KIAA1217: variants seen among roughly 807,000 people sequenced by gnomAD.
KIAA1217 encodes the protein KIAA1217, also known as sickle tail protein homolog.
A neutral mutation model predicts 163.9 loss-of-function variants in KIAA1217; 88 were observed. The ratio of observed to expected loss-of-function variants is 0.54; its 90% CI spans 0.45 to 0.64. The LOEUF is 0.64. KIAA1217 is among the 30% of genes least tolerant of loss of function. The pLI is 0.00. For synonymous variants in KIAA1217, 903 were observed against 923.1 expected (o/e 0.98, Z 0.39); for missense variants, 2,372 against 2,475.0 (o/e 0.96, Z 0.88).
At chr10:23,758,038 G>A (rs1266870855) in intron 1 of KIAA1217, among the ~76,000 whole-genome samples, 1 of 151,946 alleles carries the variant, frequency 6.6e-6, no homozygotes, top group African/African-American at 2.4e-5. Flanking sequence ...GCCTTTTGAT[G>A]CACAAAATTT....
At chr10:24,437,906 CAAA>C (rs58645832) in intron 4 of KIAA1217, among the ~76,000 whole-genome samples, 22 of 63,690 alleles carry the variant, frequency 3.5e-4, no homozygotes, top group East Asian at 8.4e-4. Flanking sequence ...TGTTTGAAGG[CAAA>C]AAAAAAAAAA....
chr10:23,918,720 A>G (rs370541980), intron 1 of KIAA1217, among the ~76,000 whole-genome samples: 8 of 142,566 alleles, frequency 5.6e-5, no homozygotes, highest in African/African-American at 2.3e-4. Flanking sequence ...GTGATCTTTA[A>G]GAATTAAATA....
intron 3 of KIAA1217, among the ~76,000 whole-genome samples, chr10:24,416,544 A>G (rs1048730063): frequency 6.6e-6 from 1 of 152,196 alleles, no homozygotes; most frequent in African/African-American, 2.4e-5. Context: ...AAATATTTTT[A>G]AAGGTATAAA....
chr10:23,899,297 T>C (rs1350498555), intron 1 of KIAA1217, among the ~76,000 whole-genome samples: 1 of 152,126 alleles, frequency 6.6e-6, no homozygotes, highest in Non-Finnish European at 1.5e-5. Flanking sequence ...GCATGAGAGT[T>C]CTTGTTGTCT....
chr10:24,545,144 C>T (rs756262239), intron 20 of KIAA1217, 41 bp downstream of exon 20: 3 of 1,611,228 alleles, frequency 1.9e-6, no homozygotes, highest in Non-Finnish European at 2.5e-6. Flanking sequence ...GACGCTATTT[C>T]AGTTAAGCAA....
intron 1 of KIAA1217, among the ~76,000 whole-genome samples, chr10:23,920,573 C>T (rs977820916): frequency 4.6e-5 from 7 of 152,160 alleles, no homozygotes; most frequent in African/African-American, 1.7e-4. Flanking sequence ...TCTTTGAAGA[C>T]ATTAAGGCTA....
At chr10:24,238,164 ACT>A (rs1393830158) in intron 2 of KIAA1217, among the ~76,000 whole-genome samples, 1 of 152,016 alleles carries the variant, frequency 6.6e-6, no homozygotes, top group Non-Finnish European at 1.5e-5. Flanking sequence ...TGTTTCCAAA[ACT>A]CTGCAGTGTC....
At chr10:23,849,847 T>C (rs1302382252) in intron 1 of KIAA1217, among the ~76,000 whole-genome samples, 1 of 152,076 alleles carries the variant, frequency 6.6e-6, no homozygotes, top group Non-Finnish European at 1.5e-5. Context: ...AATGTGACCG[T>C]CTTTGATTGA....
chr10:23,733,429 G>A (rs369664245), intron 1 of KIAA1217, among the ~76,000 whole-genome samples: 607 of 152,248 alleles, frequency 4.0e-3, no homozygotes, highest in African/African-American at 0.013. Context: ...CCAGGGCTGT[G>A]AAGATACCAA....
chr10:24,001,097 G>A (rs1846724788), intron 1 of KIAA1217, among the ~76,000 whole-genome samples: 3 of 145,372 alleles, frequency 2.1e-5, no homozygotes, highest in Non-Finnish European at 4.5e-5. Context: ...CACACACACA[G>A]CTGCTTTAAT....
chr10:24,520,262 T>A lies in KIAA1217; in HGVS notation c.2308+9T>A. 1 of 1,613,910 alleles carries A rather than the reference T, an allele frequency of 6.2e-7. No individual in the cohort carries two copies. The highest frequency in any genetic ancestry group is 8.5e-7 in the Non-Finnish European group (1 of 1,179,884). ...TGTAGCTACCCTGAAAGGTAAACTTTCTGCTGGGTCGGGGGAGGAGTCTGA... is the reference window on the plus strand; with the variant it reads ...TGTAGCTACCCTGAAAGGTAAACTTACTGCTGGGTCGGGGGAGGAGTCTGA... On this transcript the variant is annotated intron_variant, in intron 11 of 20. Coordinates refer to ENST00000376454, the MANE Select transcript of KIAA1217 (RefSeq NM_019590.5).
At chr10:24,436,491 G>T (rs1313568141) in intron 4 of KIAA1217, among the ~76,000 whole-genome samples, 4 of 150,766 alleles carry the variant, frequency 2.7e-5, no homozygotes, top group Non-Finnish European at 5.9e-5. Context: ...GGGCGCTGTG[G>T]CTCACGCCTG....
intron 1 of KIAA1217, among the ~76,000 whole-genome samples, chr10:23,750,707 A>C (rs1009394340): frequency 6.6e-6 from 1 of 152,026 alleles, no homozygotes; most frequent in Non-Finnish European, 1.5e-5. Context: ...TCAATTAATG[A>C]ATGACTAATT....
At position 24,052,076 on chromosome 10, in the gene KIAA1217, G is replaced by A. The variant is rs188912576; in HGVS notation, c.-171+44702G>A. Among the ~76,000 whole-genome samples, 53 of 152,086 alleles carry A rather than the reference G, an allele frequency of 3.5e-4. 1 individual carries two copies. Among genetic ancestry groups the A allele is most frequent in the East Asian group, 3.9e-4 (2 of 5,182 alleles). ...TAACCTCTGATATATTGTGTCTCTC[G>A]TGCTCTGCTACCTGCACTCCTATTT... On this transcript the variant is annotated intron_variant, in intron 2 of 18. Coordinates refer to the KIAA1217 transcript ENST00000376462.
intron 3 of KIAA1217, among the ~76,000 whole-genome samples, chr10:24,414,520 G>T (rs1227790579): frequency 6.6e-6 from 1 of 152,192 alleles, no homozygotes; most frequent in Admixed American, 6.5e-5. Context: ...TTTTCCCAGT[G>T]CCTTGAGTTG....
intron 2 of KIAA1217, among the ~76,000 whole-genome samples, chr10:24,120,041 C>T (rs1589571507): frequency 6.6e-6 from 1 of 152,224 alleles, no homozygotes. Context: ...CTGCCTCGAC[C>T]TCCAAGAAAC....
intron 3 of KIAA1217, among the ~76,000 whole-genome samples, chr10:24,390,118 T>G (rs1465065103): frequency 6.6e-6 from 1 of 152,194 alleles, no homozygotes; most frequent in Non-Finnish European, 1.5e-5. Context: ...TTTTTTTAAC[T>G]GGCTGAACCA....
Position 23,996,559 on chromosome 10 carries a change from GA to G in KIAA1217, c.-320-10658del, listed in dbSNP as rs200231979. ...TAAATGTTCGCTGAAAGAATGTTGA[GA>G]AAAAAAATCCACTGTTTCACTTGAA... On this transcript the variant is annotated intron_variant, in intron 1 of 18. Coordinates refer to the KIAA1217 transcript ENST00000376462. Among the ~76,000 whole-genome samples, 929 of 151,736 alleles carry G rather than the reference GA, an allele frequency of 6.1e-3. 10 individuals are homozygous for G. The highest frequency in any genetic ancestry group is 0.021 in the African/African-American group (871 of 41,388).
chr10:23,991,213 C>T (rs1846202999), intron 1 of KIAA1217, among the ~76,000 whole-genome samples: 1 of 152,236 alleles, frequency 6.6e-6, no homozygotes, highest in African/African-American at 2.4e-5. Flanking sequence ...AAATGCAGCT[C>T]AGGCCCTGCT....
Sources: allele counts gnomAD v4.1 joint callset (sites outside exome capture counted in the v4.1 genomes callset), GRCh38; gene constraint gnomAD v4.1.1; transcripts MANE v1.5; gene names NCBI Gene and HGNC (gene_info 2026-07-23, HGNC 2026-07-21).